The following ANK3 variants were observed in gnomAD, a reference collection of about 807,000 sequenced individuals.
ANK3 encodes ankyrin 3.
In ANK3, 57 loss-of-function variants were observed where a neutral mutation model predicts 370.9. The ratio of observed to expected loss-of-function variants is 0.15; its 90% confidence interval spans 0.12 to 0.19. The LOEUF (loss-of-function observed/expected upper bound fraction) is 0.19, where lower values mean the gene tolerates loss of function less well. Ranked by LOEUF, ANK3 falls within the 10% of genes least tolerant of loss-of-function variation. ANK3 has a pLI of 1.00. For missense variants in ANK3, 4,439 were observed against 5,302.1 expected, an observed-to-expected ratio of 0.84 and a Z score of 5.06; for synonymous variants, 1,929 against 1,946.3, an observed-to-expected ratio of 0.99 and a Z score of 0.23.
At chr10:60,516,197 A>G (rs901023086) in intron 2 of ANK3, among the ~76,000 whole-genome samples, 2 of 152,146 alleles carry the variant, frequency 1.3e-5, no homozygotes, top group Admixed American at 1.3e-4. Flanking sequence ...ACTCAATTCC[A>G]TAACAATGAA....
At chr10:60,313,350 T>G (rs1419536170) in intron 1 of ANK3, among the ~76,000 whole-genome samples, 2 of 152,208 alleles carry the variant, frequency 1.3e-5, no homozygotes, top group Non-Finnish European at 2.9e-5. Flanking sequence ...CATGTGAATG[T>G]AATATTGTAA....
chr10:60,347,153 G>A (rs1181363273), intron 1 of ANK3, among the ~76,000 whole-genome samples: 1 of 150,526 alleles, frequency 6.6e-6, no homozygotes, highest in Non-Finnish European at 1.5e-5. Context: ...ACTAGCAGGT[G>A]TTCAAAAATG....
intron 1 of ANK3, among the ~76,000 whole-genome samples, chr10:60,708,734 G>C (rs566380152): frequency 6.6e-6 from 1 of 152,282 alleles, no homozygotes; most frequent in Admixed American, 6.5e-5. Context: ...AGGGGGAAAA[G>C]AAAGGCTGAG....
At chr10:60,202,584 A>G (rs547441303) in intron 12 of ANK3, among the ~76,000 whole-genome samples, 4 of 152,316 alleles carry the variant, frequency 2.6e-5, no homozygotes, top group African/African-American at 9.6e-5. Flanking sequence ...TCTTTTAAGT[A>G]GTCATATTAA....
At chr10:60,635,599 A>C (rs143676908) in intron 1 of ANK3, among the ~76,000 whole-genome samples, 1 of 152,124 alleles carries the variant, frequency 6.6e-6, no homozygotes, top group Admixed American at 6.6e-5. Context: ...AATCCAAACT[A>C]TGAGGAGGTA....
chr10:60,269,342 C>T (rs2097926130), intron 5 of ANK3, among the ~76,000 whole-genome samples: 1 of 152,076 alleles, frequency 6.6e-6, no homozygotes, highest in African/African-American at 2.4e-5. Flanking sequence ...CTATTTAACA[C>T]TTAAAAATGT....
chr10:60,594,305 G>A (rs1438327026), intron 2 of ANK3, among the ~76,000 whole-genome samples: 1 of 151,948 alleles, frequency 6.6e-6, no homozygotes, highest in African/African-American at 2.4e-5. Context: ...ACAATCTTAG[G>A]CTAATCCCCG....
intron 34 of ANK3, 127 bp downstream of exon 34, chr10:60,082,488 C>G (rs779287980): frequency 1.6e-6 from 2 of 1,287,784 alleles, no homozygotes; most frequent in Non-Finnish European, 1.1e-6. Context: ...GCAATCTACA[C>G]GAGGAGACTA....
At chr10:60,602,987 A>G (rs1460371092) in intron 2 of ANK3, among the ~76,000 whole-genome samples, 3 of 152,136 alleles carry the variant, frequency 2.0e-5, no homozygotes, top group African/African-American at 7.2e-5. Context: ...AGGGATCTAA[A>G]AAAAGGGGGT....
rs141850026 is a variant in ANK3 at position 60,258,356 on chromosome 10, C to T, written c.798+3503G>A. On this transcript the variant is annotated intron_variant, in intron 7 of 43. Transcript: ENST00000280772. The stretch of plus-strand genomic sequence containing the variant: ...AGGATAATCCAAAAGGAAATATTGA[C>T]GATGTCAGACAGGATATCTTACATA... 1.0e-3 allele frequency among the ~76,000 whole-genome samples: 154 copies of T among 152,222 alleles called. 2 individuals are homozygous for T. In the East Asian group the frequency reaches 0.017, roughly 17 times the overall value.
intron 23 of ANK3, among the ~76,000 whole-genome samples, chr10:60,152,474 T>C (rs919384479): frequency 6.6e-6 from 1 of 151,730 alleles, no homozygotes; most frequent in African/African-American, 2.4e-5. Context: ...ATGAGATGAG[T>C]ATTAGGATGA....
intron 2 of ANK3, among the ~76,000 whole-genome samples, chr10:60,583,372 G>T (rs972503791): frequency 6.6e-6 from 1 of 152,094 alleles, no homozygotes; most frequent in African/African-American, 2.4e-5. Flanking sequence ...AGGGAAGGGG[G>T]ATAGTGAGAC....
Position 60,605,529 on chromosome 10 carries a change from T to C in ANK3, c.96+9657A>G, listed in dbSNP as rs936714804. 3.2e-4 allele frequency among the ~76,000 whole-genome samples: 49 copies of C among 152,234 alleles called. 1 individual carries two copies. The highest frequency in any genetic ancestry group is 3.1e-3 in the Admixed American group (47 of 15,284). On this transcript the variant is annotated intron_variant, in intron 2 of 43. Coordinates refer to the ANK3 transcript ENST00000373827. ...ATTTATGAACTAGTTTTAGTTTCTCTATACTTAGTTATAGATTCTATCCAT... is the reference window on the plus strand; with the variant it reads ...ATTTATGAACTAGTTTTAGTTTCTCCATACTTAGTTATAGATTCTATCCAT...
intron 24 of ANK3, among the ~76,000 whole-genome samples, chr10:60,135,045 C>T (rs1316910175): frequency 2.0e-5 from 3 of 152,188 alleles, no homozygotes; most frequent in Non-Finnish European, 4.4e-5. Context: ...CTCCATATGG[C>T]CCTTGAACTT....
At chr10:60,517,807 T>A (rs927137529) in intron 2 of ANK3, among the ~76,000 whole-genome samples, 3 of 151,716 alleles carry the variant, frequency 2.0e-5, no homozygotes, top group African/African-American at 4.8e-5. Context: ...ACAAGATGAC[T>A]CTCCCAGGGT....
chr10:60,050,074 G>A (rs527733979), intron 42 of ANK3, among the ~76,000 whole-genome samples: 30 of 152,232 alleles, frequency 2.0e-4, no homozygotes, highest in Admixed American at 8.5e-4. Context: ...ATCATATCTT[G>A]AAGACACTGA....
chr10:60,377,015 T>C (rs2060876491), intron 1 of ANK3, among the ~76,000 whole-genome samples: 1 of 152,234 alleles, frequency 6.6e-6, no homozygotes, highest in Non-Finnish European at 1.5e-5. Context: ...AGAAATTAAT[T>C]ACGGGCAGCA....
At chr10:60,176,604 A>T (rs2095966291) in intron 18 of ANK3, among the ~76,000 whole-genome samples, 1 of 151,946 alleles carries the variant, frequency 6.6e-6, no homozygotes, top group South Asian at 2.1e-4. Context: ...TCTACTAAAA[A>T]TACAAAAAAT....
upstream of ANK3, among the ~76,000 whole-genome samples, chr10:60,392,139 G>A (rs1432972175): frequency 6.6e-6 from 1 of 152,122 alleles, no homozygotes; most frequent in Non-Finnish European, 1.5e-5. Flanking sequence ...TAACTCTCAA[G>A]CTCCTTGTGT....
Sources: allele counts gnomAD v4.1 joint callset (sites outside exome capture counted in the v4.1 genomes callset), GRCh38; gene constraint gnomAD v4.1.1; transcripts MANE v1.5; gene names NCBI Gene and HGNC (gene_info 2026-07-23, HGNC 2026-07-21).